The following OSBPL1A variants were observed in gnomAD, a reference collection of about 807,000 sequenced individuals.
The protein encoded by OSBPL1A is oxysterol-binding protein-related protein 1.
In OSBPL1A, 80 loss-of-function variants were observed where a neutral mutation model predicts 137.1. The ratio of observed to expected loss-of-function variants is 0.58; its 90% CI spans 0.49 to 0.70. The LOEUF is 0.70. Ranked by LOEUF, OSBPL1A falls within the 30% of genes least tolerant of loss-of-function variation. The probability of loss-of-function intolerance (pLI) is 0.00; values close to 1 mark genes in which losing one functional copy is unlikely to be tolerated. For missense variants in OSBPL1A, 970 were observed against 1,129.4 expected, an observed-to-expected ratio of 0.86 and a Z score of 2.02; for synonymous variants, 365 against 389.7, an observed-to-expected ratio of 0.94 and a Z score of 0.75.
chr18:24,396,697 G>T (rs1367687155), intron 1 of OSBPL1A, among the ~76,000 whole-genome samples: 1 of 151,856 alleles, frequency 6.6e-6, no homozygotes, highest in Non-Finnish European at 1.5e-5. Context: ...GGGAGGGAGG[G>T]GGGTGGTTCA....
intron 14 of OSBPL1A, among the ~76,000 whole-genome samples, chr18:24,284,851 C>A (rs1053470823): frequency 3.9e-5 from 6 of 152,088 alleles, no homozygotes; most frequent in African/African-American, 1.4e-4. Context: ...ACAAAAAAAA[C>A]TATTTTCTTT....
chr18:24,364,106 G>A (rs1228652391), intron 4 of OSBPL1A, among the ~76,000 whole-genome samples: 1 of 152,214 alleles, frequency 6.6e-6, no homozygotes, highest in Non-Finnish European at 1.5e-5. Flanking sequence ...GGATTAGGAT[G>A]TGGATGTCTT....
chr18:24,287,367 A>G (rs2090083339), intron 14 of OSBPL1A, among the ~76,000 whole-genome samples: 1 of 152,236 alleles, frequency 6.6e-6, no homozygotes, highest in African/African-American at 2.4e-5. Context: ...GGAGTCTTGG[A>G]AAGGTCTGTG....
chr18:24,287,923 C>A (rs184414086), intron 14 of OSBPL1A, among the ~76,000 whole-genome samples: 106 of 152,294 alleles, frequency 7.0e-4, no homozygotes, highest in Middle Eastern at 3.4e-3. Flanking sequence ...AAGCTTGGAC[C>A]AAAGACAGAA....
intron 15 of OSBPL1A, among the ~76,000 whole-genome samples, chr18:24,264,799 T>C (rs1231775809): frequency 6.6e-6 from 1 of 152,180 alleles, no homozygotes; most frequent in Non-Finnish European, 1.5e-5. Context: ...GTGTATGATA[T>C]AGTTGGGCTG....
intron 1 of OSBPL1A, among the ~76,000 whole-genome samples, chr18:24,382,480 G>A (rs2146210436): frequency 6.6e-6 from 1 of 151,934 alleles, no homozygotes; most frequent in African/African-American, 2.4e-5. Context: ...GAGAGGCTGA[G>A]GTAGGAGGAT....
intron 14 of OSBPL1A, among the ~76,000 whole-genome samples, chr18:24,286,854 GC>G (rs977067645): frequency 5.0e-4 from 76 of 152,276 alleles, no homozygotes; most frequent in African/African-American, 1.8e-3. Flanking sequence ...CCAGCTAAGT[GC>G]TGGAGAAAAA....
chr18:24,344,206 T>C (rs2091310996), intron 4 of OSBPL1A, among the ~76,000 whole-genome samples: 2 of 152,122 alleles, frequency 1.3e-5, no homozygotes, highest in Non-Finnish European at 2.9e-5. Flanking sequence ...TCCCAGCACT[T>C]TGGGAGGCTG....
intron 17 of OSBPL1A, among the ~76,000 whole-genome samples, chr18:24,221,868 T>C (rs1051388086): frequency 2.0e-5 from 3 of 152,214 alleles, no homozygotes; most frequent in African/African-American, 7.2e-5. Flanking sequence ...AAATATCTTC[T>C]CCCTCAGTTT....
Position 24,334,305 on chromosome 18 carries a change from C to T in OSBPL1A, c.420G>A (p.Lys140=), listed in dbSNP as rs747337377. 6.8e-6 allele frequency: 11 copies of T among 1,611,776 alleles called. No homozygotes were observed. The African/African-American group carries it at 1.5e-4, about 22-fold the overall frequency. The stretch of plus-strand genomic sequence containing the variant: ...CTGCTGCTAAAAGTAATTCTTCAAG[C>T]TTTCTTTGTTGAGTCCTTTCTACAG... ...LEAVERTQQR[K]LEELLLAAAR... The change falls in exon 6 of 28, where the codon AAG becomes AAA. Residue 140 remains lysine (K), a synonymous_variant. Transcript: ENST00000319481.
intron 2 of OSBPL1A, among the ~76,000 whole-genome samples, chr18:24,372,997 G>GT (rs1430319428): frequency 6.6e-6 from 1 of 152,118 alleles, no homozygotes; most frequent in Non-Finnish European, 1.5e-5. Context: ...CCAAGAGGAG[G>GT]TGGAGGTTGC....
intron 18 of OSBPL1A, among the ~76,000 whole-genome samples, chr18:24,194,227 A>G (rs1228640019): frequency 6.6e-6 from 1 of 152,254 alleles, no homozygotes; most frequent in Non-Finnish European, 1.5e-5. Flanking sequence ...CCTTACAAAG[A>G]TACAGTACAA....
At chr18:24,170,639 G>A (rs2086255919) in intron 23 of OSBPL1A, 186 bp from the exon 24 acceptor site, 1 of 595,656 alleles carries the variant, frequency 1.7e-6, no homozygotes, top group African/African-American at 1.9e-5. Context: ...TGCTGCAATT[G>A]AATATTACTA....
intron 17 of OSBPL1A, among the ~76,000 whole-genome samples, chr18:24,217,028 TA>T (rs112600798): frequency 6.6e-6 from 1 of 151,794 alleles, no homozygotes; most frequent in Non-Finnish European, 1.5e-5. Flanking sequence ...CAAATATCTA[TA>T]AAAAAAATTA....
chr18:24,305,696 C>A (rs2090486235), intron 13 of OSBPL1A, among the ~76,000 whole-genome samples: 1 of 152,180 alleles, frequency 6.6e-6, no homozygotes, highest in South Asian at 2.1e-4. Context: ...TCACCCAAAT[C>A]TCACCTTGAA....
At chr18:24,338,388 T>C (rs1056965557) in intron 5 of OSBPL1A, among the ~76,000 whole-genome samples, 3 of 152,036 alleles carry the variant, frequency 2.0e-5, no homozygotes, top group African/African-American at 7.2e-5. Flanking sequence ...CCGAAATTTT[T>C]CAAAATAAAA....
chr18:24,220,906 A>G (rs983305319), intron 17 of OSBPL1A, among the ~76,000 whole-genome samples: 9 of 151,484 alleles, frequency 5.9e-5, no homozygotes, highest in Non-Finnish European at 1.3e-4. Context: ...TCAGCCTCCT[A>G]AGCAGCTGGG....
intron 15 of OSBPL1A, among the ~76,000 whole-genome samples, chr18:24,252,094 G>GA (rs1299505946): frequency 1.3e-5 from 2 of 152,122 alleles, no homozygotes; most frequent in Non-Finnish European, 2.9e-5. Context: ...CCTCAAAAGG[G>GA]AAAATCTCAG....
chr18:24,336,556 T>G (rs375412384), intron 5 of OSBPL1A, among the ~76,000 whole-genome samples: 55 of 152,372 alleles, frequency 3.6e-4, no homozygotes, highest in East Asian at 3.5e-3. Flanking sequence ...ATTCATGATG[T>G]GAACTTTTCT....
Sources: gnomAD v4.1 joint callset for allele counts (sites outside exome capture counted in the v4.1 genomes callset) on GRCh38, gnomAD v4.1.1 for gene constraint, MANE v1.5 for transcripts, NCBI Gene and HGNC (gene_info 2026-07-23, HGNC 2026-07-21) for gene names.